Variants in TENM4 observed in about 807,000 individuals in gnomAD.
The protein encoded by TENM4 is teneurin transmembrane protein 4.
Under a neutral mutation model 243.3 loss-of-function variants are expected in TENM4, and 82 were observed. That is an observed-to-expected ratio of 0.34 (90% CI 0.28 to 0.40). The LOEUF (loss-of-function observed/expected upper bound fraction) is 0.40. Ranked by LOEUF, TENM4 falls within the 10% of genes least tolerant of loss-of-function variation. The probability of loss-of-function intolerance (pLI) is 1.00; values close to 1 mark genes in which losing one functional copy is unlikely to be tolerated. For missense variants in TENM4, 3,138 were observed against 3,673.3 expected (o/e 0.85, Z 3.77); for synonymous variants, 1,412 against 1,456.3 (o/e 0.97, Z 0.69).
At chr11:79,032,347 G>A (rs1032721946) in intron 6 of TENM4, among the ~76,000 whole-genome samples, 12 of 152,128 alleles carry the variant, frequency 7.9e-5, no homozygotes, top group African/African-American at 2.4e-5. Flanking sequence ...GGGTCCATAG[G>A]AGCCTCTTGT....
chr11:78,671,670 C>T (rs1457141071), intron 31 of TENM4, among the ~76,000 whole-genome samples: 19 of 152,216 alleles, frequency 1.2e-4, no homozygotes, highest in Admixed American at 1.2e-3. Flanking sequence ...GTACTGATGC[C>T]TAGGCTTCTG....
chr11:79,374,262 A>G (rs1857845893), intron 1 of TENM4, among the ~76,000 whole-genome samples: 1 of 152,118 alleles, frequency 6.6e-6, no homozygotes, highest in African/African-American at 2.4e-5. Context: ...TAATAGCAAT[A>G]CCCGTACTTT....
chr11:79,390,764 A>G (rs1240729621), intron 1 of TENM4, among the ~76,000 whole-genome samples: 1 of 152,174 alleles, frequency 6.6e-6, no homozygotes, highest in South Asian at 2.1e-4. Context: ...GCTCCAGGCC[A>G]ATGTGTCCTG....
intron 1 of TENM4, among the ~76,000 whole-genome samples, chr11:79,386,980 C>T (rs79822078): frequency 0.082 from 12,476 of 152,012 alleles, 548 homozygotes; most frequent in Non-Finnish European, 0.11. Context: ...TTGTAACAGC[C>T]CCAAACTAGA....
intron 4 of TENM4, among the ~76,000 whole-genome samples, chr11:79,082,098 G>A (rs898839583): frequency 6.6e-6 from 1 of 152,184 alleles, no homozygotes; most frequent in Non-Finnish European, 1.5e-5. Context: ...GCTTAGAGGT[G>A]CATCCAGGGT....
At chr11:78,792,839 C>T (rs901924020) in intron 15 of TENM4, among the ~76,000 whole-genome samples, 5 of 152,116 alleles carry the variant, frequency 3.3e-5, no homozygotes, top group African/African-American at 7.2e-5. Flanking sequence ...TGTGTGTGAA[C>T]TCTGTAATTT....
intron 6 of TENM4, among the ~76,000 whole-genome samples, chr11:79,045,290 C>T (rs1290366308): frequency 6.6e-6 from 1 of 152,038 alleles, no homozygotes; most frequent in Non-Finnish European, 1.5e-5. Context: ...TGGGCATGTG[C>T]AACACTATGA....
chr11:78,831,644 G>T (rs963043227), intron 12 of TENM4, among the ~76,000 whole-genome samples: 1 of 152,226 alleles, frequency 6.6e-6, no homozygotes, highest in Non-Finnish European at 1.5e-5. Flanking sequence ...GTAGTGCAGC[G>T]GGGCTGGCAC....
At chr11:78,694,632 G>A (rs1858911288) in intron 28 of TENM4, among the ~76,000 whole-genome samples, 1 of 152,158 alleles carries the variant, frequency 6.6e-6, no homozygotes, top group African/African-American at 2.4e-5. Context: ...CACACAGCCA[G>A]TCAGTCTCTG....
At chr11:79,101,050 A>G (rs1405171777) in intron 4 of TENM4, among the ~76,000 whole-genome samples, 1 of 152,120 alleles carries the variant, frequency 6.6e-6, no homozygotes, top group East Asian at 1.9e-4. Flanking sequence ...AAGAAAAGCA[A>G]GAGAATAAGT....
At chr11:78,812,624 G>T (rs1052401143) in intron 13 of TENM4, among the ~76,000 whole-genome samples, 3 of 152,164 alleles carry the variant, frequency 2.0e-5, no homozygotes, top group Non-Finnish European at 4.4e-5. Flanking sequence ...GCTTCAGTCT[G>T]TTCCTCCATC....
intron 1 of TENM4, among the ~76,000 whole-genome samples, chr11:79,355,563 C>A (rs1857483098): frequency 6.6e-6 from 1 of 152,182 alleles, no homozygotes; most frequent in Non-Finnish European, 1.5e-5. Flanking sequence ...ACAATTGAAC[C>A]CTCTCTGTTC....
chr11:78,713,928 G>C (rs185654694), intron 25 of TENM4, among the ~76,000 whole-genome samples: 1 of 152,022 alleles, frequency 6.6e-6, no homozygotes, highest in African/African-American at 2.4e-5. Flanking sequence ...AACATTTGCC[G>C]GGCCCTAAAA....
intron 4 of TENM4, among the ~76,000 whole-genome samples, chr11:79,109,656 C>T (rs911794811): frequency 6.6e-6 from 1 of 152,212 alleles, no homozygotes; most frequent in African/African-American, 2.4e-5. Context: ...TATGAAGTGT[C>T]AAAGGGTTGC....
intron 3 of TENM4, among the ~76,000 whole-genome samples, chr11:79,172,264 TAA>T (rs748279123): frequency 1.2e-4 from 18 of 152,172 alleles, no homozygotes; most frequent in Non-Finnish European, 2.6e-4. Context: ...GCACTGTTAA[TAA>T]TTACACTGGA....
chr11:79,025,260 GGAATGAAT>G lies in TENM4; in HGVS notation c.493+39470_493+39477del, dbSNP rs67342343. On this transcript the variant is annotated intron_variant, in intron 6 of 33. Coordinates refer to ENST00000278550, the MANE Select transcript of TENM4 (RefSeq NM_001098816.3). ...ATCCAGGAAGACTTGGCATAACACT[GGAATGAAT>G]GAATGAATGAATGAATGAATGAATG... 5.6e-3 allele frequency among the ~76,000 whole-genome samples: 844 copies of G among 151,008 alleles called. 8 individuals carry two copies. Among genetic ancestry groups the G allele is most frequent in the African/African-American group, 0.017 (716 of 40,924 alleles).
rs536664095 is a variant in TENM4, at chr11:79,148,546, G to GCACTC, written c.-66+159_-66+163dup. On this transcript the variant is annotated intron_variant, in intron 4 of 33. Coordinates refer to ENST00000278550, the MANE Select transcript of TENM4 (RefSeq NM_001098816.3). ...TGCAGGGAAGGCAAGCAGTAATCCT[G>GCACTC]CACTCTTTGTTCATTGTTCTTAGGG... 1.7e-3 allele frequency among the ~76,000 whole-genome samples: 254 copies of GCACTC among 151,914 alleles called. 9 individuals carry two copies. In the South Asian group the frequency reaches 0.047, roughly 28 times the overall value.
intron 4 of TENM4, 116 bp from the exon 5 acceptor site, chr11:79,070,125 A>G (rs1032665504): frequency 1.3e-5 from 17 of 1,287,404 alleles, no homozygotes; most frequent in Non-Finnish European, 1.7e-5. Flanking sequence ...GCAGTGGAGG[A>G]GAGGGTACCG....
intron 9 of TENM4, among the ~76,000 whole-genome samples, chr11:78,881,628 C>G (rs1347957165): frequency 2.0e-5 from 3 of 152,164 alleles, no homozygotes; most frequent in African/African-American, 7.2e-5. Flanking sequence ...TTAAACTCTC[C>G]TCAAATTAAA....
Sources: gnomAD v4.1 joint callset for allele counts (sites outside exome capture counted in the v4.1 genomes callset) on GRCh38, gnomAD v4.1.1 for gene constraint, MANE v1.5 for transcripts, NCBI Gene and HGNC (gene_info 2026-07-23, HGNC 2026-07-21) for gene names.